ANTXRL: variants seen among roughly 807,000 people sequenced by gnomAD.
ANTXRL encodes the protein anthrax toxin receptor-like.
In ANTXRL, 63 loss-of-function variants were observed where a neutral mutation model predicts 75.4. The observed-to-expected ratio is 0.84, with a 90% CI of 0.68 to 1.03. The LOEUF (loss-of-function observed/expected upper bound fraction) is 1.03, where lower values mean the gene tolerates loss of function less well. ANTXRL is among the 50% of genes least tolerant of loss of function. ANTXRL has a pLI of 0.00. For missense variants in ANTXRL, 797 were observed against 789.4 expected, an observed-to-expected ratio of 1.01 and a Z score of -0.12; for synonymous variants, 335 against 291.3, an observed-to-expected ratio of 1.15 and a Z score of -1.53.
rs561241040 is a variant in ANTXRL, at chr10:46,289,643, C to T, written c.248+2133C>T. Among the ~76,000 whole-genome samples the T allele has an allele frequency of 1.5e-3, 229 of 152,260 alleles. 1 individual carries two copies. The highest frequency in any genetic ancestry group is 2.8e-3 in the Non-Finnish European group (188 of 68,020). ...TCAGCCTGAGCTGAGGCAGGAGGAT[C>T]GCTTGAGCCTGAGAGGTCAAGACTG... On this transcript the variant is annotated intron_variant, in intron 1 of 16. Transcript: ENST00000620264.
At chr10:46,325,472 T>A (rs1178330817) in intron 16 of ANTXRL, among the ~76,000 whole-genome samples, 1 of 152,000 alleles carries the variant, frequency 6.6e-6, no homozygotes. Context: ...TGCTCTAGAG[T>A]CTTCTCAAAA....
intron 12 of ANTXRL, 46 bp from the exon 13 acceptor site, chr10:46,309,067 G>A (rs879993316): frequency 3.3e-5 from 50 of 1,535,180 alleles, no homozygotes; most frequent in Non-Finnish European, 4.1e-5. Flanking sequence ...TGGGCACGGG[G>A]AAGAGGCCAC....
At chr10:46,306,210 T>G (rs1171669678) in intron 10 of ANTXRL, among the ~76,000 whole-genome samples, 1 of 152,192 alleles carries the variant, frequency 6.6e-6, no homozygotes, top group Non-Finnish European at 1.5e-5. Context: ...TGTCACCTCT[T>G]CAGAGATAAT....
At chr10:46,306,749 G>A (rs1269023699) in intron 10 of ANTXRL, 54 bp from the exon 11 acceptor site, 12 of 1,419,342 alleles carry the variant, frequency 8.5e-6, no homozygotes, top group Non-Finnish European at 1.1e-5. Context: ...GACATGGGGA[G>A]GAACAGTGGA....
intron 16 of ANTXRL, 24 bp downstream of exon 16, chr10:46,313,340 G>C (rs1163418497): frequency 2.0e-6 from 3 of 1,533,352 alleles, no homozygotes; most frequent in East Asian, 2.4e-5. Context: ...CAGGGACACA[G>C]TTGATGGACA....
chr10:46,309,970 C>T (rs1554962999), intron 13 of ANTXRL, among the ~76,000 whole-genome samples: 1 of 152,112 alleles, frequency 6.6e-6, no homozygotes, highest in African/African-American at 2.4e-5. Flanking sequence ...AGACAGAGAA[C>T]AGAGCAGAAG....
At chr10:46,290,183 C>T (rs1278427815) in intron 1 of ANTXRL, among the ~76,000 whole-genome samples, 1 of 151,710 alleles carries the variant, frequency 6.6e-6, no homozygotes, top group African/African-American at 2.4e-5. Flanking sequence ...GCTGGGACTA[C>T]AGGGGCATGC....
upstream of ANTXRL, among the ~76,000 whole-genome samples, chr10:46,286,720 CAAAT>C (rs1836781149): frequency 6.6e-6 from 1 of 152,178 alleles, no homozygotes; most frequent in Non-Finnish European, 1.5e-5. Context: ...CAGTGTCACA[CAAAT>C]AACCTCCCAT....
chr10:46,327,774 C>T (rs557898518), intron 16 of ANTXRL, among the ~76,000 whole-genome samples: 30 of 152,220 alleles, frequency 2.0e-4, no homozygotes, highest in African/African-American at 7.0e-4. Flanking sequence ...TTCCTTGGGA[C>T]CATCAGGCTG....
chr10:46,329,248 C>T (rs1289069666), intron 16 of ANTXRL, among the ~76,000 whole-genome samples: 1 of 152,182 alleles, frequency 6.6e-6, no homozygotes, highest in African/African-American at 2.4e-5. Flanking sequence ...TCATCCCTTC[C>T]ACATGCTCAC....
At chr10:46,320,145 A>T (rs1295807149) in intron 16 of ANTXRL, among the ~76,000 whole-genome samples, 1 of 152,204 alleles carries the variant, frequency 6.6e-6, no homozygotes, top group Admixed American at 6.5e-5. Flanking sequence ...AAGCAAAAAC[A>T]GTCAATAACT....
At chr10:46,308,374 C>T (rs1452957875) in intron 12 of ANTXRL, 27 of 417,538 alleles carry the variant, frequency 6.5e-5, no homozygotes, top group African/African-American at 2.7e-4. Flanking sequence ...TTCAGCCAGC[C>T]GGGTTCCCAG....
chr10:46,290,045 C>CTTTTTTTTTTT (rs34276033), intron 1 of ANTXRL, among the ~76,000 whole-genome samples: 27 of 119,656 alleles, frequency 2.3e-4, no homozygotes, highest in East Asian at 9.5e-4. Flanking sequence ...TTTTCTTTAT[C>CTTTTTTTTTTT]TTTTTTTTTT....
intron 16 of ANTXRL, among the ~76,000 whole-genome samples, chr10:46,326,084 G>A (rs1439088437): frequency 6.7e-6 from 1 of 148,628 alleles, no homozygotes; most frequent in Non-Finnish European, 1.5e-5. Flanking sequence ...TCTTTGTAAG[G>A]CATCTGGGTT....
At chr10:46,290,850 G>T (rs1382147683) in intron 1 of ANTXRL, among the ~76,000 whole-genome samples, 1 of 152,076 alleles carries the variant, frequency 6.6e-6, no homozygotes, top group East Asian at 1.9e-4. Context: ...CCCTTATCAG[G>T]TATATGAGTT....
rs139809588 is a variant in ANTXRL, at chr10:46,310,792, C to A, written c.1173+293C>A. On this transcript the variant is annotated intron_variant, in intron 14 of 16. Coordinates refer to ENST00000620264, the MANE Select transcript of ANTXRL (RefSeq NM_001278688.3). The stretch of plus-strand genomic sequence containing the variant: ...ATAAATGGGGCTCTCTGTCAAGGAC[C>A]TTTTGTAAGATGCTAAGGACAGAGG... Among the ~76,000 whole-genome samples the A allele has an allele frequency of 3.9e-3, 592 of 152,198 alleles. 1 individual carries two copies. Among genetic ancestry groups the A allele is most frequent in the African/African-American group, 0.014 (575 of 41,482 alleles).
At chr10:46,314,210 C>A (rs548671026) in intron 16 of ANTXRL, among the ~76,000 whole-genome samples, 1 of 152,148 alleles carries the variant, frequency 6.6e-6, no homozygotes, top group East Asian at 1.9e-4. Flanking sequence ...GGGCCGGGAG[C>A]CCCTGGGAGG....
intron 9 of ANTXRL, among the ~76,000 whole-genome samples, chr10:46,299,602 G>C (rs1371021522): frequency 1.3e-5 from 2 of 152,170 alleles, no homozygotes; most frequent in African/African-American, 4.8e-5. Context: ...GCTGGGCTCT[G>C]GCCTCCCTGT....
intron 16 of ANTXRL, among the ~76,000 whole-genome samples, chr10:46,320,829 T>C (rs564307249): frequency 6.6e-6 from 1 of 152,270 alleles, no homozygotes; most frequent in South Asian, 2.1e-4. Flanking sequence ...CCACATTTAG[T>C]TTTTAAAAAG....
Sources: gnomAD v4.1 joint callset for allele counts (sites outside exome capture counted in the v4.1 genomes callset) on GRCh38, gnomAD v4.1.1 for gene constraint, MANE v1.5 for transcripts, NCBI Gene and HGNC (gene_info 2026-07-23, HGNC 2026-07-21) for gene names.